The following GYPC variants were observed in gnomAD, a reference collection of about 807,000 sequenced individuals.
The protein encoded by GYPC is glycophorin C (Gerbich blood group).
GYPC carries 14 observed loss-of-function variants against 12.6 expected under a neutral mutation model. The observed-to-expected ratio is 1.11, with a 90% CI of 0.74 to 1.74. The LOEUF (loss-of-function observed/expected upper bound fraction) is 1.74. Ranked by LOEUF, GYPC falls within the 40% of genes most tolerant of loss-of-function variation. The pLI is 0.00. For synonymous variants in GYPC, 78 were observed against 62.1 expected, an observed-to-expected ratio of 1.26 and a Z score of -1.20; for missense variants, 225 against 172.1, an observed-to-expected ratio of 1.31 and a Z score of -1.72.
intron 2 of GYPC, among the ~76,000 whole-genome samples, chr2:126,692,784 A>G (rs28387215): frequency 1.5e-4 from 23 of 152,252 alleles, no homozygotes; most frequent in African/African-American, 5.1e-4. Context: ...GACCTATGGG[A>G]GGGCTTCAGG....
At chr2:126,677,516 AGTCTGTGTG>A (rs1683035723) in intron 1 of GYPC, among the ~76,000 whole-genome samples, 2 of 84,376 alleles carry the variant, frequency 2.4e-5, no homozygotes, top group South Asian at 7.2e-4. Context: ...AGTGTGTGTG[AGTCTGTGTG>A]TGTGTGAGTC....
intron 1 of GYPC, among the ~76,000 whole-genome samples, chr2:126,662,487 G>T (rs910338009): frequency 5.9e-5 from 9 of 152,172 alleles, no homozygotes; most frequent in African/African-American, 2.2e-4. Flanking sequence ...ATGAGGTTTT[G>T]GGTCTGGATC....
rs28387133 is a variant in GYPC at position 126,672,965 on chromosome 2, C to T, written c.49+16653C>T. Among the ~76,000 whole-genome samples the T allele has an allele frequency of 3.9e-3, 597 of 152,258 alleles. 5 individuals carry two copies. Among genetic ancestry groups the T allele is most frequent in the African/African-American group, 0.014 (564 of 41,556 alleles). On this transcript the variant is annotated intron_variant, in intron 1 of 3. Transcript: ENST00000259254. ...GAACCCAGTATTCCACCACCTCAGT[C>T]TTATCCTCACCCATGTCAGAGGTAC...
At chr2:126,688,229 G>C (rs1489100560) in intron 1 of GYPC, among the ~76,000 whole-genome samples, 1 of 152,206 alleles carries the variant, frequency 6.6e-6, no homozygotes, top group African/African-American at 2.4e-5. Flanking sequence ...ACTGTCATAA[G>C]AAATGCTGGT....
intron 1 of GYPC, among the ~76,000 whole-genome samples, chr2:126,684,257 G>A (rs2104797532): frequency 6.6e-6 from 1 of 152,284 alleles, no homozygotes; most frequent in South Asian, 2.1e-4. Flanking sequence ...CCTCACCTGT[G>A]TATTCCATCT....
In GYPC at chr2:126,667,387, T is replaced by C. The variant is rs140611622; in HGVS notation, c.49+11075T>C. ...TACATGCATTGCCTATCACATGATC[T>C]GGATATCTTTTTTTTTTCTTTTTTT... On this transcript the variant is annotated intron_variant, in intron 1 of 3. Coordinates refer to ENST00000259254, the MANE Select transcript of GYPC (RefSeq NM_002101.5). 7.2e-5 allele frequency among the ~76,000 whole-genome samples: 11 copies of C among 151,982 alleles called. 1 individual carries two copies. In the East Asian group the frequency reaches 2.1e-3, roughly 29 times the overall value.
Position 126,656,319 on chromosome 2 carries a change from A to G in GYPC, c.49+7A>G. 1 of 1,558,096 alleles carries G rather than the reference A, an allele frequency of 6.4e-7. No homozygotes were observed. The highest frequency in any genetic ancestry group is 8.7e-7 in the Non-Finnish European group (1 of 1,153,692). On this transcript the variant is annotated splice_region_variant and intron_variant, in intron 1 of 3. Coordinates refer to ENST00000259254, the MANE Select transcript of GYPC (RefSeq NM_002101.5). ...GCGTGGCCTCTCAGCCTCGGTGAGT[A>G]CCCGCCGTGGGGAAGGGTCCTGGGG...
chr2:126,660,597 G>T lies in GYPC; in HGVS notation c.49+4285G>T, dbSNP rs77514386. Among the ~76,000 whole-genome samples the T allele has an allele frequency of 4.0e-3, 609 of 152,164 alleles. 3 individuals carry two copies. Among genetic ancestry groups the T allele is most frequent in the Non-Finnish European group, 6.4e-3 (434 of 67,996 alleles). On this transcript the variant is annotated intron_variant, in intron 1 of 3. Coordinates refer to ENST00000259254, the MANE Select transcript of GYPC (RefSeq NM_002101.5). ...ACCTCTCCAGGGGCTCTGTGACCCC[G>T]CCTGTCCCCCACTCAGGGCCTGTCA...
chr2:126,677,640 G>A (rs920430662), intron 1 of GYPC, among the ~76,000 whole-genome samples: 14 of 149,558 alleles, frequency 9.4e-5, no homozygotes, highest in Admixed American at 2.7e-4. Context: ...CCCATGTGCC[G>A]GGCAACACCC....
rs186483046 is a variant in GYPC at position 126,696,502 on chromosome 2, C to T, written c.*360C>T. The stretch of plus-strand genomic sequence containing the variant: ...GAGGGGGTGCTGGGGTACCCGGGGG[C>T]TGGGGAAGCAAGGAAATAAGTCATC... On this transcript the variant is annotated 3_prime_UTR_variant, in exon 4 of 4. Coordinates refer to ENST00000259254, the MANE Select transcript of GYPC (RefSeq NM_002101.5). 7.4e-4 allele frequency: 262 copies of T among 353,302 alleles called. 1 individual carries two copies. The highest frequency in any genetic ancestry group is 4.8e-3 in the African/African-American group (226 of 47,312). The allele number at this position is 353,302 out of a possible 1,614,324, so 21.9% of individuals were successfully genotyped here. A position where few individuals can be genotyped will look rare whatever the true frequency, so the allele number is the denominator to read the frequency against.
intron 1 of GYPC, among the ~76,000 whole-genome samples, chr2:126,683,019 T>C (rs1683190579): frequency 1.3e-5 from 2 of 152,148 alleles, no homozygotes; most frequent in Middle Eastern, 3.4e-3. Flanking sequence ...ATGCCATGAG[T>C]AAAGAAGGAT....
intron 1 of GYPC, chr2:126,658,196 T>C (rs551457172): frequency 1.3e-5 from 2 of 152,348 alleles, no homozygotes; most frequent in South Asian, 4.1e-4. Context: ...AGGATTGCAT[T>C]AAGTGCCAAA....
chr2:126,670,344 C>T (rs569703622), intron 1 of GYPC, among the ~76,000 whole-genome samples: 1 of 152,346 alleles, frequency 6.6e-6, no homozygotes, highest in South Asian at 2.1e-4. Context: ...AGCGCCTCTC[C>T]AACCAGTGCA....
intron 1 of GYPC, chr2:126,686,210 C>T (rs1558889417): frequency 1.0e-6 from 1 of 985,364 alleles, no homozygotes; most frequent in East Asian, 1.1e-4. Flanking sequence ...AGGGCTAGCA[C>T]CTGACCCCTG....
At chr2:126,686,473 C>T (rs976556926) in intron 1 of GYPC, 2 of 985,504 alleles carry the variant, frequency 2.0e-6, no homozygotes, top group African/African-American at 3.5e-5. Context: ...GATGAAAAGC[C>T]ACTCCCAACT....
intron 1 of GYPC, among the ~76,000 whole-genome samples, chr2:126,670,825 G>T (rs1422358237): frequency 6.6e-6 from 1 of 152,180 alleles, no homozygotes; most frequent in African/African-American, 2.4e-5. Flanking sequence ...CTGCACACTT[G>T]AAGCTTTCTT....
intron 2 of GYPC, among the ~76,000 whole-genome samples, chr2:126,691,921 G>T (rs1020369059): frequency 6.6e-6 from 1 of 152,124 alleles, no homozygotes; most frequent in Non-Finnish European, 1.5e-5. Context: ...CTTAAGCAAG[G>T]TGTTATTCTT....
intron 3 of GYPC, among the ~76,000 whole-genome samples, chr2:126,694,768 C>A (rs1683589763): frequency 6.9e-6 from 1 of 144,700 alleles, no homozygotes; most frequent in Non-Finnish European, 1.5e-5. Context: ...AGCAGTCCCT[C>A]CCCAAGGCCT....
rs28387229 is a variant in GYPC, at chr2:126,695,682, GT to G, written c.191-262del. Among the ~76,000 whole-genome samples the G allele has an allele frequency of 0.59, 90,016 of 152,036 alleles. 27,088 individuals carry two copies. Among genetic ancestry groups the G allele is most frequent in the African/African-American group, 0.7 (28,896 of 41,456 alleles). On this transcript the variant is annotated intron_variant, in intron 3 of 3. Coordinates refer to ENST00000259254, the MANE Select transcript of GYPC (RefSeq NM_002101.5). ...TGATTTTGCATGACTTTAGGTTAATGTTAAGTGTTCTGAGCCTGCTTAAGGT... is the reference window on the plus strand; with the variant it reads ...TGATTTTGCATGACTTTAGGTTAATGTAAGTGTTCTGAGCCTGCTTAAGGT...
Sources: gnomAD v4.1 joint callset for allele counts (sites outside exome capture counted in the v4.1 genomes callset) on GRCh38, gnomAD v4.1.1 for gene constraint, MANE v1.5 for transcripts, NCBI Gene and HGNC (gene_info 2026-07-23, HGNC 2026-07-21) for gene names.